Variants in HOMER1 observed in about 807,000 individuals in gnomAD.
The protein encoded by HOMER1 is homer protein homolog 1.
Under a neutral mutation model 48.9 loss-of-function variants are expected in HOMER1, and 3 were observed. That is an observed-to-expected ratio of 0.06 (90% CI 0.03 to 0.16). HOMER1 has a LOEUF of 0.16. Among genes scored for constraint, HOMER1 ranks in the 10% least tolerant of loss-of-function variants. HOMER1 has a pLI of 1.00. For missense variants in HOMER1, 247 were observed against 411.4 expected (o/e 0.60, Z 3.46); for synonymous variants, 134 against 146.4 (o/e 0.92, Z 0.61).
At chr5:79,460,619 T>C (rs72635605) in intron 1 of HOMER1, among the ~76,000 whole-genome samples, 23,336 of 151,958 alleles carry the variant, frequency 0.15, 2,237 homozygotes, top group East Asian at 0.29. Flanking sequence ...AGATAAGTAA[T>C]AGATTGGATA....
At chr5:79,462,547 C>T (rs945725792) in intron 1 of HOMER1, among the ~76,000 whole-genome samples, 1 of 152,100 alleles carries the variant, frequency 6.6e-6, no homozygotes. Context: ...AAAAACAAGA[C>T]TTACTCAAAC....
rs1472608676 is a variant in HOMER1 at position 79,513,409 on chromosome 5, C to CCT, written c.-637_-636dup. Reference sequence around the variant, plus strand: ...ATCTGTCTTTTTAAATGTTTCTCCTCCTAAGACTCGGAGCAGAGAAGAGGT... The same window carrying CCT: ...ATCTGTCTTTTTAAATGTTTCTCCTCCTCTAAGACTCGGAGCAGAGAAGAGGT... On this transcript the variant is annotated 5_prime_UTR_variant, in exon 1 of 9. Transcript: ENST00000334082. 6.5e-6 allele frequency: 1 copy of CCT among 152,852 alleles called. No homozygotes were observed. The highest frequency in any genetic ancestry group is 1.5e-5 in the Non-Finnish European group (1 of 68,510). 9.5% of individuals were successfully genotyped at this position (152,852 alleles called of 1,614,324 possible).
intron 8 of HOMER1, among the ~76,000 whole-genome samples, chr5:79,393,358 C>A (rs1261997926): frequency 1.3e-5 from 2 of 152,044 alleles, no homozygotes; most frequent in African/African-American, 4.8e-5. Flanking sequence ...AACATCTGAA[C>A]TAAGACCTAA....
intron 1 of HOMER1, among the ~76,000 whole-genome samples, chr5:79,477,467 T>C (rs1199979280): frequency 2.6e-5 from 4 of 152,348 alleles, no homozygotes; most frequent in South Asian, 2.1e-4. Flanking sequence ...TCCTCCACTA[T>C]CCCTTCTGTT....
At chr5:79,445,223 T>A (rs940536221) in intron 4 of HOMER1, among the ~76,000 whole-genome samples, 1 of 152,238 alleles carries the variant, frequency 6.6e-6, no homozygotes, top group Non-Finnish European at 1.5e-5. Flanking sequence ...ACTGACATTA[T>A]TCCAGAGAAA....
chr5:79,491,438 CAAA>C (rs56778843), intron 1 of HOMER1, among the ~76,000 whole-genome samples: 3 of 57,704 alleles, frequency 5.2e-5, no homozygotes, highest in Non-Finnish European at 9.3e-5. Context: ...GACCTTGTCT[CAAA>C]AAAAAAAAAA....
At chr5:79,464,562 C>A (rs151139565) in intron 1 of HOMER1, among the ~76,000 whole-genome samples, 1 of 152,186 alleles carries the variant, frequency 6.6e-6, no homozygotes, top group African/African-American at 2.4e-5. Context: ...AGCTCAAGCA[C>A]TGGAATTTCC....
At chr5:79,418,629 T>C (rs1750010011) in intron 5 of HOMER1, among the ~76,000 whole-genome samples, 2 of 152,234 alleles carry the variant, frequency 1.3e-5, no homozygotes, top group Non-Finnish European at 2.9e-5. Flanking sequence ...TTGTCATGTA[T>C]GATATCTGGA....
chr5:79,446,804 A>ATTTT (rs35036295), intron 4 of HOMER1, among the ~76,000 whole-genome samples: 6 of 101,732 alleles, frequency 5.9e-5, no homozygotes, highest in Admixed American at 2.4e-4. Flanking sequence ...CACTTGGCTA[A>ATTTT]TTTTTTTTTT....
intron 1 of HOMER1, among the ~76,000 whole-genome samples, chr5:79,509,747 G>A (rs1462697746): frequency 6.6e-6 from 1 of 152,114 alleles, no homozygotes; most frequent in East Asian, 1.9e-4. Flanking sequence ...ACTATTAGGG[G>A]AGCCATAATT....
At chr5:79,474,851 G>GA (rs897500434) in intron 1 of HOMER1, among the ~76,000 whole-genome samples, 1 of 152,090 alleles carries the variant, frequency 6.6e-6, no homozygotes, top group African/African-American at 2.4e-5. Context: ...ATAGTGACAG[G>GA]AAAAAAGCTG....
At chr5:79,409,411 G>A (rs1246971635) in intron 5 of HOMER1, among the ~76,000 whole-genome samples, 11 of 134,436 alleles carry the variant, frequency 8.2e-5, no homozygotes, top group South Asian at 2.4e-4. Context: ...CAGCCTCGGC[G>A]ACAGGGCAAG....
intron 7 of HOMER1, among the ~76,000 whole-genome samples, chr5:79,397,255 C>T (rs2112214233): frequency 6.6e-6 from 1 of 152,206 alleles, no homozygotes; most frequent in African/African-American, 2.4e-5. Flanking sequence ...CATTTAACCC[C>T]TAATGATTTT....
chr5:79,408,886 C>T (rs528034307), intron 5 of HOMER1, among the ~76,000 whole-genome samples: 3 of 151,686 alleles, frequency 2.0e-5, no homozygotes, highest in African/African-American at 7.3e-5. Context: ...AGTTTGAGAA[C>T]AGAATGGCCA....
At chr5:79,379,491 T>G (rs1748909970) in intron 8 of HOMER1, among the ~76,000 whole-genome samples, 1 of 130,402 alleles carries the variant, frequency 7.7e-6, no homozygotes, top group South Asian at 2.2e-4. Flanking sequence ...TATAAATATA[T>G]AAATATTTAT....
At chr5:79,489,860 TTCACTC>T (rs1346001792) in intron 1 of HOMER1, among the ~76,000 whole-genome samples, 1 of 152,152 alleles carries the variant, frequency 6.6e-6, no homozygotes, top group Non-Finnish European at 1.5e-5. Flanking sequence ...GAACCGAAAT[TTCACTC>T]TGATGCTTAG....
At chr5:79,507,158 A>T (rs1752797850) in intron 1 of HOMER1, among the ~76,000 whole-genome samples, 1 of 141,058 alleles carries the variant, frequency 7.1e-6, no homozygotes, top group Non-Finnish European at 1.5e-5. Flanking sequence ...GGTTGCAGTG[A>T]GCCAAGATCG....
intron 5 of HOMER1, among the ~76,000 whole-genome samples, chr5:79,427,032 A>T (rs2112256497): frequency 6.6e-6 from 1 of 152,350 alleles, no homozygotes; most frequent in Admixed American, 6.5e-5. Context: ...CTTTGACATA[A>T]TTATGGCATT....
intron 1 of HOMER1, among the ~76,000 whole-genome samples, chr5:79,486,143 T>C (rs1057093880): frequency 6.6e-6 from 1 of 152,160 alleles, no homozygotes; most frequent in Admixed American, 6.5e-5. Context: ...GTAAAGACTA[T>C]CTTGCCAACC....
Sources: allele counts gnomAD v4.1 joint callset (sites outside exome capture counted in the v4.1 genomes callset), GRCh38; gene constraint gnomAD v4.1.1; transcripts MANE v1.5; gene names NCBI Gene and HGNC (gene_info 2026-07-23, HGNC 2026-07-21).